Variants in FHIT observed in about 807,000 individuals in gnomAD.
The protein encoded by FHIT is bis(5'-adenosyl)-triphosphatase.
A neutral mutation model predicts 17.9 loss-of-function variants in FHIT; 19 were observed. The observed-to-expected ratio is 1.06, with a 90% confidence interval of 0.74 to 1.56. The LOEUF (loss-of-function observed/expected upper bound fraction) is 1.56. FHIT is among the 40% of genes most tolerant of loss of function. The probability of loss-of-function intolerance (pLI) is 0.00; values close to 1 mark genes in which losing one functional copy is unlikely to be tolerated. For missense variants in FHIT, 248 were observed against 189.2 expected, an observed-to-expected ratio of 1.31 and a Z score of -1.82; for synonymous variants, 81 against 69.7, an observed-to-expected ratio of 1.16 and a Z score of -0.81.
At chr3:59,983,654 G>C (rs555791054) in intron 7 of FHIT, among the ~76,000 whole-genome samples, 1 of 152,114 alleles carries the variant, frequency 6.6e-6, no homozygotes, top group Admixed American at 6.6e-5. Flanking sequence ...GCGGACTAAT[G>C]TATAGTCCTT....
intron 7 of FHIT, among the ~76,000 whole-genome samples, chr3:59,964,968 G>A (rs1415394802): frequency 1.3e-5 from 2 of 152,032 alleles, no homozygotes; most frequent in African/African-American, 2.4e-5. Flanking sequence ...TTAACATTAG[G>A]AGAAAATCTA....
At chr3:60,183,642 G>C (rs149477920) in intron 5 of FHIT, among the ~76,000 whole-genome samples, 28 of 152,060 alleles carry the variant, frequency 1.8e-4, no homozygotes, top group African/African-American at 6.5e-4. Context: ...TTCAAAACTT[G>C]ACAATGCCAA....
chr3:60,514,527 A>C (rs1344356175), intron 5 of FHIT, among the ~76,000 whole-genome samples: 1 of 152,204 alleles, frequency 6.6e-6, no homozygotes, highest in African/African-American at 2.4e-5. Context: ...CAGGTTAAAT[A>C]GCTAATGCAT....
At chr3:60,276,966 C>A (rs1707172112) in intron 5 of FHIT, among the ~76,000 whole-genome samples, 1 of 152,108 alleles carries the variant, frequency 6.6e-6, no homozygotes, top group Non-Finnish European at 1.5e-5. Context: ...TCCCACCAGG[C>A]CACTCAACCA....
chr3:61,014,572 G>A (rs527464799), intron 3 of FHIT, among the ~76,000 whole-genome samples: 1 of 151,622 alleles, frequency 6.6e-6, no homozygotes, highest in South Asian at 2.1e-4. Flanking sequence ...GAGGTCAGGA[G>A]ATTGAGACCA....
chr3:61,201,454 T>C (rs1417716628), intron 1 of FHIT, among the ~76,000 whole-genome samples: 3 of 152,160 alleles, frequency 2.0e-5, no homozygotes, highest in African/African-American at 7.2e-5. Context: ...TGATTCTTTC[T>C]CTCATTTTTG....
At chr3:60,807,555 C>G (rs1443502904) in intron 4 of FHIT, among the ~76,000 whole-genome samples, 3 of 151,900 alleles carry the variant, frequency 2.0e-5, no homozygotes, top group African/African-American at 7.3e-5. Flanking sequence ...GCCACTGCAC[C>G]CCAGCCTGGG....
In FHIT at chr3:59,840,364, G is replaced by T. The variant is rs942117400; in HGVS notation, c.348+81982C>A. 2.0e-5 allele frequency among the ~76,000 whole-genome samples: 3 copies of T among 148,628 alleles called. No individual in the cohort carries two copies. In the East Asian group the frequency reaches 6.0e-4, roughly 30 times the overall value. On this transcript the variant is annotated intron_variant, in intron 8 of 9. Transcript: ENST00000492590. ...CAGCATATTGCCAGCTCACAGGAAGGTGCATCATGTCACCAGATTATCCCC... is the reference window on the plus strand; with the variant it reads ...CAGCATATTGCCAGCTCACAGGAAGTTGCATCATGTCACCAGATTATCCCC...
chr3:60,620,143 G>A (rs1158422235), intron 4 of FHIT, among the ~76,000 whole-genome samples: 1 of 152,102 alleles, frequency 6.6e-6, no homozygotes, highest in East Asian at 1.9e-4. Flanking sequence ...TCAAAACAAT[G>A]ACAACACCAA....
chr3:60,553,593 G>T (rs1204962236), intron 4 of FHIT, among the ~76,000 whole-genome samples: 1 of 149,528 alleles, frequency 6.7e-6, no homozygotes, highest in African/African-American at 2.5e-5. Flanking sequence ...AGTCAAGAAA[G>T]ATATAGGGTG....
intron 3 of FHIT, among the ~76,000 whole-genome samples, chr3:61,023,251 A>C (rs2032550437): frequency 6.6e-6 from 1 of 152,242 alleles, no homozygotes. Context: ...CAATTGCTAC[A>C]AACAGAATAA....
At chr3:60,043,186 C>T (rs547843510) in intron 5 of FHIT, among the ~76,000 whole-genome samples, 5 of 152,230 alleles carry the variant, frequency 3.3e-5, no homozygotes, top group Non-Finnish European at 7.3e-5. Flanking sequence ...CAGCACCCAA[C>T]TCATCAACCC....
chr3:60,581,120 T>TCTTG (rs2037736104), intron 4 of FHIT, among the ~76,000 whole-genome samples: 1 of 152,130 alleles, frequency 6.6e-6, no homozygotes, highest in African/African-American at 2.4e-5. Context: ...TCTCATTCTC[T>TCTTG]CTTGCTCACT....
chr3:61,008,936 G>A (rs76235853), intron 3 of FHIT, among the ~76,000 whole-genome samples: 1 of 151,956 alleles, frequency 6.6e-6, no homozygotes, highest in Non-Finnish European at 1.5e-5. Context: ...GCAGCTAACC[G>A]CCTCAGTAAA....
chr3:61,055,183 A>C (rs1321072250), intron 2 of FHIT, among the ~76,000 whole-genome samples: 1 of 152,026 alleles, frequency 6.6e-6, no homozygotes, highest in Non-Finnish European at 1.5e-5. Flanking sequence ...GTCTGTGTTG[A>C]GTTTTCCTAA....
chr3:60,884,000 T>C (rs977123866), intron 3 of FHIT, among the ~76,000 whole-genome samples: 3 of 152,272 alleles, frequency 2.0e-5, no homozygotes, highest in Non-Finnish European at 4.4e-5. Context: ...TATAAGGAAC[T>C]CAAACAACTC....
intron 3 of FHIT, among the ~76,000 whole-genome samples, chr3:60,917,201 T>A (rs1220226636): frequency 6.6e-6 from 1 of 152,220 alleles, no homozygotes; most frequent in Non-Finnish European, 1.5e-5. Flanking sequence ...TTTGAAAGCA[T>A]TGGATAGTAG....
chr3:60,366,677 T>C (rs953645289), intron 5 of FHIT, among the ~76,000 whole-genome samples: 1 of 152,302 alleles, frequency 6.6e-6, no homozygotes, highest in South Asian at 2.1e-4. Context: ...TCCGCTCCCC[T>C]GCCATGAGAT....
intron 8 of FHIT, among the ~76,000 whole-genome samples, chr3:59,845,747 C>A (rs1408662507): frequency 6.6e-6 from 1 of 152,106 alleles, no homozygotes; most frequent in African/African-American, 2.4e-5. Flanking sequence ...AATGTGTATG[C>A]TGTTGTTAGG....
Sources: gnomAD v4.1 joint callset for allele counts (sites outside exome capture counted in the v4.1 genomes callset) on GRCh38, gnomAD v4.1.1 for gene constraint, MANE v1.5 for transcripts, NCBI Gene and HGNC (gene_info 2026-07-23, HGNC 2026-07-21) for gene names.